Variants in CCSER1 observed in about 807,000 individuals in gnomAD.
The protein encoded by CCSER1 is serine-rich coiled-coil domain-containing protein 1.
CCSER1 carries 41 observed loss-of-function variants against 82.0 expected under a neutral mutation model. That is an observed-to-expected ratio of 0.50 (90% CI 0.39 to 0.65). The LOEUF (loss-of-function observed/expected upper bound fraction) is 0.65, where lower values mean the gene tolerates loss of function less well. Among genes scored for constraint, CCSER1 ranks in the 30% least tolerant of loss-of-function variants. The probability of loss-of-function intolerance (pLI) is 0.00; values close to 1 mark genes in which losing one functional copy is unlikely to be tolerated. For synonymous variants in CCSER1, 414 were observed against 383.9 expected, an observed-to-expected ratio of 1.08 and a Z score of -0.92; for missense variants, 1,119 against 1,064.2, an observed-to-expected ratio of 1.05 and a Z score of -0.72.
At chr4:90,136,210 G>A (rs1026673199) in intron 1 of CCSER1, among the ~76,000 whole-genome samples, 2 of 152,046 alleles carry the variant, frequency 1.3e-5, no homozygotes, top group Non-Finnish European at 2.9e-5. Flanking sequence ...TTATTAGCTG[G>A]GTGTGGTGGA....
intron 3 of CCSER1, chr4:90,370,028 A>G (rs1747102053): frequency 6.6e-6 from 1 of 152,056 alleles, no homozygotes; most frequent in East Asian, 1.9e-4. Context: ...CCTTACTCAA[A>G]GAAGCACAGC....
intron 5 of CCSER1, among the ~76,000 whole-genome samples, chr4:90,485,093 C>A (rs1241552754): frequency 6.6e-6 from 1 of 152,190 alleles, no homozygotes; most frequent in Non-Finnish European, 1.5e-5. Flanking sequence ...CCTCCCCCAG[C>A]CTTGCTGCCA....
At chr4:90,529,822 G>C (rs115703102) in intron 5 of CCSER1, among the ~76,000 whole-genome samples, 1 of 151,764 alleles carries the variant, frequency 6.6e-6, no homozygotes, top group Non-Finnish European at 1.5e-5. Flanking sequence ...ACTACATGAG[G>C]GCCCACCTTT....
At chr4:90,771,565 T>TAAAA (rs34848155) in intron 7 of CCSER1, among the ~76,000 whole-genome samples, 23 of 98,352 alleles carry the variant, frequency 2.3e-4, no homozygotes, top group African/African-American at 6.1e-4. Flanking sequence ...TGCCGGGCAC[T>TAAAA]AAAAAAAAAA....
At chr4:91,149,838 A>G (rs949017183) in intron 10 of CCSER1, among the ~76,000 whole-genome samples, 2 of 152,030 alleles carry the variant, frequency 1.3e-5, no homozygotes, top group Non-Finnish European at 2.9e-5. Context: ...ATTGGTCTAT[A>G]TCTCTGTTTT....
At position 90,207,598 on chromosome 4, in the gene CCSER1, GT is replaced by G. The variant is rs1739126702; in HGVS notation, c.-42+79772del. Among the ~76,000 whole-genome samples, 7 of 152,104 alleles carry G rather than the reference GT, an allele frequency of 4.6e-5. No homozygotes were observed. The South Asian group carries it at 1.4e-3, about 31-fold the overall frequency. Reference sequence around the variant, plus strand: ...CGTTCTGGTTTTTGGAATTTTCAGCGTTTTTGTGCTGGTTTTTCCTTATCTT... The same window carrying G: ...CGTTCTGGTTTTTGGAATTTTCAGCGTTTTGTGCTGGTTTTTCCTTATCTT... On this transcript the variant is annotated intron_variant, in intron 1 of 10. Transcript: ENST00000509176.
At chr4:90,937,671 CTG>C (rs1327762244) in intron 9 of CCSER1, among the ~76,000 whole-genome samples, 1 of 152,074 alleles carries the variant, frequency 6.6e-6, no homozygotes, top group African/African-American at 2.4e-5. Context: ...TCATTACAAA[CTG>C]TTAATCATTT....
chr4:90,611,446 G>A (rs1785487721), intron 5 of CCSER1, among the ~76,000 whole-genome samples: 1 of 151,884 alleles, frequency 6.6e-6, no homozygotes, highest in African/African-American at 2.4e-5. Flanking sequence ...AGATCAGTTG[G>A]ATTTATTCAA....
intron 10 of CCSER1, among the ~76,000 whole-genome samples, chr4:91,255,807 TCTTTA>T (rs1404852298): frequency 1.3e-5 from 2 of 152,226 alleles, no homozygotes; most frequent in Non-Finnish European, 2.9e-5. Context: ...CCTATGCCTG[TCTTTA>T]CTTTAATCTC....
In CCSER1 at chr4:90,374,244, T is replaced by C. The variant is rs183833440; in HGVS notation, c.1510-25792T>C. Among the ~76,000 whole-genome samples, 588 of 152,318 alleles carry C rather than the reference T, an allele frequency of 3.9e-3. 8 individuals carry two copies. The highest frequency in any genetic ancestry group is 0.014 in the African/African-American group (568 of 41,588). On this transcript the variant is annotated intron_variant, in intron 3 of 10. Transcript: ENST00000509176. ...AGTGTATAAGAATTGGCAGTAAACA[T>C]GTTGATCACATTAATGGTCAACCAA...
chr4:91,518,641 G>A (rs1296047194), intron 10 of CCSER1, among the ~76,000 whole-genome samples: 2 of 152,178 alleles, frequency 1.3e-5, no homozygotes, highest in Non-Finnish European at 2.9e-5. Flanking sequence ...ACATGGAGGA[G>A]AGACTGGGCT....
chr4:90,559,796 C>G (rs975457553), intron 5 of CCSER1, among the ~76,000 whole-genome samples: 13 of 126,290 alleles, frequency 1.0e-4, no homozygotes, highest in Admixed American at 6.6e-4. Context: ...GGAGACAGAC[C>G]GAGACTCCGT....
chr4:91,041,672 C>A (rs537271920), intron 9 of CCSER1, among the ~76,000 whole-genome samples: 2 of 152,246 alleles, frequency 1.3e-5, no homozygotes, highest in South Asian at 2.1e-4. Context: ...ATGTAAGCAC[C>A]TTCACAAATG....
At chr4:90,750,739 A>G (rs1748483119) in intron 7 of CCSER1, among the ~76,000 whole-genome samples, 1 of 152,220 alleles carries the variant, frequency 6.6e-6, no homozygotes, top group Non-Finnish European at 1.5e-5. Flanking sequence ...CATAAAACAT[A>G]GTAAACAGTA....
At chr4:90,552,760 A>T (rs1560707970) in intron 5 of CCSER1, among the ~76,000 whole-genome samples, 3 of 152,152 alleles carry the variant, frequency 2.0e-5, no homozygotes, top group Non-Finnish European at 4.4e-5. Flanking sequence ...CACAGCCCAC[A>T]ATTAAGCTTT....
chr4:91,158,678 C>G (rs866328476), intron 10 of CCSER1, among the ~76,000 whole-genome samples: 1 of 151,532 alleles, frequency 6.6e-6, no homozygotes, highest in South Asian at 2.1e-4. Context: ...AACGTGCAGG[C>G]AAACGCACAT....
At chr4:91,235,754 G>A (rs1738953007) in intron 10 of CCSER1, among the ~76,000 whole-genome samples, 1 of 152,012 alleles carries the variant, frequency 6.6e-6, no homozygotes, top group Admixed American at 6.6e-5. Flanking sequence ...GTGTGAATGT[G>A]TGTTCATTTG....
intron 8 of CCSER1, among the ~76,000 whole-genome samples, chr4:90,830,006 T>C (rs1286783640): frequency 6.6e-6 from 1 of 152,166 alleles, no homozygotes; most frequent in Non-Finnish European, 1.5e-5. Flanking sequence ...CCCTGAGGCC[T>C]ACATTCAATT....
At chr4:90,477,207 C>T (rs1238181451) in intron 5 of CCSER1, among the ~76,000 whole-genome samples, 1 of 151,892 alleles carries the variant, frequency 6.6e-6, no homozygotes, top group Non-Finnish European at 1.5e-5. Context: ...CTATATAATC[C>T]AATATTGATT....
Sources: allele counts gnomAD v4.1 joint callset (sites outside exome capture counted in the v4.1 genomes callset), GRCh38; gene constraint gnomAD v4.1.1; transcripts MANE v1.5; gene names NCBI Gene and HGNC (gene_info 2026-07-23, HGNC 2026-07-21).